COL21A1: variants seen among roughly 807,000 people sequenced by gnomAD.
The protein encoded by COL21A1 is collagen alpha-1(XXI) chain.
COL21A1 carries 149 observed loss-of-function variants against 137.9 expected under a neutral mutation model. The observed-to-expected ratio is 1.08, with a 90% CI of 0.95 to 1.24. The LOEUF is 1.24. Among genes scored for constraint, COL21A1 ranks in the 50% most tolerant of loss-of-function variants. COL21A1 has a pLI of 0.00. For synonymous variants in COL21A1, 456 were observed against 391.5 expected, an observed-to-expected ratio of 1.16 and a Z score of -1.95; for missense variants, 1,167 against 1,158.4, an observed-to-expected ratio of 1.01 and a Z score of -0.11.
At chr6:56,241,531 A>AG (rs1400519780) in intron 1 of COL21A1, among the ~76,000 whole-genome samples, 1 of 152,206 alleles carries the variant, frequency 6.6e-6, no homozygotes, top group African/African-American at 2.4e-5. Context: ...CTGAACAGGG[A>AG]GAAAAAAAGT....
At chr6:56,342,686 A>C (rs1765497339) in intron 1 of COL21A1, among the ~76,000 whole-genome samples, 1 of 152,246 alleles carries the variant, frequency 6.6e-6, no homozygotes, top group Non-Finnish European at 1.5e-5. Context: ...TGGGGCTGGA[A>C]AAAGAAATTC....
intron 1 of COL21A1, among the ~76,000 whole-genome samples, chr6:56,370,159 G>T (rs1224766141): frequency 6.6e-6 from 1 of 152,016 alleles, no homozygotes; most frequent in African/African-American, 2.4e-5. Flanking sequence ...AAAGGTCAAC[G>T]GCCCACATGG....
chr6:56,150,565 C>CACAAAA (rs1402170446), intron 10 of COL21A1, among the ~76,000 whole-genome samples: 3 of 112,710 alleles, frequency 2.7e-5, no homozygotes, highest in East Asian at 4.7e-4. Context: ...CACACACACA[C>CACAAAA]AAGAGTGGGG....
At chr6:56,134,334 C>T (rs1047176825) in intron 12 of COL21A1, among the ~76,000 whole-genome samples, 6 of 152,252 alleles carry the variant, frequency 3.9e-5, no homozygotes, top group South Asian at 4.1e-4. Flanking sequence ...TTACCCCCTT[C>T]GTTTTGGTCA....
At chr6:56,340,879 T>G (rs6922480) in intron 1 of COL21A1, among the ~76,000 whole-genome samples, 100,154 of 151,606 alleles carry the variant, frequency 0.66, 33,279 homozygotes, top group South Asian at 0.81. Context: ...ATGTTCTCTG[T>G]CAGCCCAAGG....
At chr6:56,122,561 A>C (rs1772647474) in intron 16 of COL21A1, among the ~76,000 whole-genome samples, 1 of 152,214 alleles carries the variant, frequency 6.6e-6, no homozygotes, top group African/African-American at 2.4e-5. Context: ...ATGAGGTTTC[A>C]TAACTCTGTA....
At chr6:56,075,887 A>C (rs560953997) in intron 18 of COL21A1, among the ~76,000 whole-genome samples, 1 of 151,604 alleles carries the variant, frequency 6.6e-6, no homozygotes, top group African/African-American at 2.4e-5. Flanking sequence ...ATTAATAAAG[A>C]AAAATAGACT....
intron 16 of COL21A1, among the ~76,000 whole-genome samples, chr6:56,107,406 A>G (rs1283130035): frequency 7.9e-5 from 12 of 152,124 alleles, no homozygotes; most frequent in Non-Finnish European, 1.8e-4. Flanking sequence ...ATTTAAAACT[A>G]TAATTCAAAA....
Position 56,176,344 on chromosome 6 carries a change from G to A in COL21A1, c.640+3234C>T, listed in dbSNP as rs1189467408. On this transcript the variant is annotated intron_variant, in intron 3 of 29. Transcript: ENST00000244728. ...ACTCTGTAAAAAGACAATCTATGAA[G>A]TGGGATAAAATATTTGCAAACCATA... 2.0e-5 allele frequency among the ~76,000 whole-genome samples: 3 copies of A among 151,746 alleles called. No homozygotes were observed. The East Asian group carries it at 5.8e-4, about 29-fold the overall frequency.
intron 10 of COL21A1, among the ~76,000 whole-genome samples, chr6:56,143,452 G>A (rs1368897186): frequency 1.3e-5 from 2 of 151,768 alleles, no homozygotes; most frequent in South Asian, 2.1e-4. Flanking sequence ...CACCCTCCTC[G>A]GCCTCCCAAA....
intron 1 of COL21A1, among the ~76,000 whole-genome samples, chr6:56,293,252 C>G (rs1448349595): frequency 2.0e-5 from 3 of 152,150 alleles, no homozygotes; most frequent in Non-Finnish European, 4.4e-5. Context: ...CAAAAGTTCT[C>G]ATCTGTGTTC....
chr6:56,172,977 A>T (rs2152274629), intron 3 of COL21A1, among the ~76,000 whole-genome samples: 2 of 152,266 alleles, frequency 1.3e-5, no homozygotes, highest in South Asian at 4.1e-4. Context: ...GTAAAAGAAA[A>T]AAAGAGGGAC....
At chr6:56,327,339 T>C (rs1482729782) in intron 1 of COL21A1, among the ~76,000 whole-genome samples, 6 of 151,842 alleles carry the variant, frequency 4.0e-5, no homozygotes, top group African/African-American at 9.7e-5. Flanking sequence ...AAATAAAATA[T>C]GAAAATATCA....
At chr6:56,143,227 G>A (rs912696639) in intron 10 of COL21A1, among the ~76,000 whole-genome samples, 4 of 136,124 alleles carry the variant, frequency 2.9e-5, no homozygotes, top group African/African-American at 1.1e-4. Context: ...TTGAGACAGA[G>A]TCTCACTCTG....
chr6:56,365,469 T>G (rs1766075329), intron 1 of COL21A1, among the ~76,000 whole-genome samples: 1 of 152,228 alleles, frequency 6.6e-6, no homozygotes, highest in Non-Finnish European at 1.5e-5. Context: ...ATCCTACCCT[T>G]ACCATTTAAC....
chr6:56,062,038 T>A (rs1765843227), intron 24 of COL21A1, among the ~76,000 whole-genome samples: 1 of 152,106 alleles, frequency 6.6e-6, no homozygotes, highest in South Asian at 2.1e-4. Context: ...TTAGGTATAT[T>A]TTTTCTTGTA....
At chr6:56,285,579 G>A (rs745500137) in intron 1 of COL21A1, among the ~76,000 whole-genome samples, 1 of 151,870 alleles carries the variant, frequency 6.6e-6, no homozygotes, top group Non-Finnish European at 1.5e-5. Flanking sequence ...TTTCTTTTTT[G>A]TTAGGACAAG....
intron 1 of COL21A1, among the ~76,000 whole-genome samples, chr6:56,236,857 A>G (rs1249258060): frequency 6.6e-6 from 1 of 152,026 alleles, no homozygotes; most frequent in African/African-American, 2.4e-5. Flanking sequence ...ATGTTTTTAC[A>G]GCTGACAATA....
At chr6:56,125,844 C>T (rs949629147) in intron 13 of COL21A1, among the ~76,000 whole-genome samples, 4 of 151,608 alleles carry the variant, frequency 2.6e-5, no homozygotes, top group African/African-American at 9.7e-5. Context: ...AGTTTAAGGC[C>T]TATATTTAAG....
Sources: gnomAD v4.1 joint callset for allele counts (sites outside exome capture counted in the v4.1 genomes callset) on GRCh38, gnomAD v4.1.1 for gene constraint, MANE v1.5 for transcripts, NCBI Gene and HGNC (gene_info 2026-07-23, HGNC 2026-07-21) for gene names.